Variants in ATP7A observed in about 807,000 individuals in gnomAD.
ATP7A encodes ATPase copper transporting alpha.
In ATP7A, 7 loss-of-function variants were observed where a neutral mutation model predicts 83.5. The ratio of observed to expected loss-of-function variants is 0.08; its 90% CI spans 0.05 to 0.16. The LOEUF (loss-of-function observed/expected upper bound fraction) is 0.16, where lower values mean the gene tolerates loss of function less well. Among genes scored for constraint, ATP7A ranks in the 10% least tolerant of loss-of-function variants. The probability of loss-of-function intolerance (pLI) is 1.00; values close to 1 mark genes in which losing one functional copy is unlikely to be tolerated. For synonymous variants in ATP7A, 354 were observed against 395.2 expected (o/e 0.90, Z 1.24); for missense variants, 940 against 1,120.8 (o/e 0.84, Z 2.30).
rs2078094275 is a variant in ATP7A at position 78,048,379 on chromosome X, C to T, written c.*1809C>T. ...ACATCTGGCACATAGGATTTGTACT[C>T]GGTAAATGTTAGTTCTTTTCTCCCC... On this transcript the variant is annotated 3_prime_UTR_variant, in exon 23 of 23. Coordinates refer to ENST00000341514, the MANE Select transcript of ATP7A (RefSeq NM_000052.7). The T allele has an allele frequency of 2.7e-5, 3 of 112,073 alleles. No homozygotes were observed. Among genetic ancestry groups the T allele is most frequent in the Admixed American group, 1.9e-4 (2 of 10,509 alleles). The allele number at this position is 112,073 out of a possible 1,213,427, so 9.2% of individuals were successfully genotyped here.
chrX:77,968,939 C>G lies in ATP7A; in HGVS notation c.-21-2682C>G, dbSNP rs375563909. On this transcript the variant is annotated intron_variant, in intron 1 of 22. Transcript: ENST00000341514. ...GCTTTGCACACCGTCTCTTCATCCC[C>G]CAGAAACTGCATGGGCTTGATAGGC... 35 of 1,208,901 alleles carry G rather than the reference C, an allele frequency of 2.9e-5. No homozygotes were observed. The highest frequency in any genetic ancestry group is 3.4e-5 in the Non-Finnish European group (30 of 895,319).
intron 3 of ATP7A, 33 bp from the exon 4 acceptor site, chrX:77,989,200 A>C: frequency 8.5e-7 from 1 of 1,180,249 alleles, no homozygotes; most frequent in East Asian, 3.0e-5. Flanking sequence ...CCCAGGAATA[A>C]CTGAATTAAT....
Position 78,037,980 on chromosome X carries a change from G to GTTTTTTTTTTTTTTTTT in ATP7A, c.3512-846_3512-830dup, listed in dbSNP as rs782643561. On this transcript the variant is annotated intron_variant, in intron 17 of 22. Coordinates refer to ENST00000341514, the MANE Select transcript of ATP7A (RefSeq NM_000052.7). ...AGAGAGGTGGGTGAGATCAAGAAAGGTTTTTTTTTTTTTTTTTTTTTTTTT... is the reference window on the plus strand; with the variant it reads ...AGAGAGGTGGGTGAGATCAAGAAAGGTTTTTTTTTTTTTTTTTTTTTTTTTTTTTTTTTTTTTTTTTT... Among the ~76,000 whole-genome samples, 17 of 51,200 alleles carry GTTTTTTTTTTTTTTTTT rather than the reference G, an allele frequency of 3.3e-4. 4 individuals are homozygous for GTTTTTTTTTTTTTTTTT. Among genetic ancestry groups the GTTTTTTTTTTTTTTTTT allele is most frequent in the African/African-American group, 6.1e-4 (6 of 9,772 alleles). The allele number at this position is 51,200 out of a possible 115,157, so 44.5% of individuals were successfully genotyped here. A position where few individuals can be genotyped will look rare whatever the true frequency, so the allele number is the denominator to read the frequency against.
chrX:78,034,129 G>A (rs1557237491), intron 17 of ATP7A, among the ~76,000 whole-genome samples: 2 of 111,770 alleles, frequency 1.8e-5, no homozygotes, highest in Non-Finnish European at 3.8e-5. Context: ...TTGTCCCTCT[G>A]CAAATTATCT....
chrX:77,941,123 T>A, intron 1 of ATP7A, among the ~76,000 whole-genome samples: 1 of 111,978 alleles, frequency 8.9e-6, no homozygotes, highest in Middle Eastern at 4.6e-3. Flanking sequence ...AAGTTTAGAA[T>A]GTACATGCCC....
In ATP7A at chrX:78,021,069, C is replaced by T; in HGVS notation, c.2906C>T (p.Thr969Ile). ...IGFLNFEIVE[T>I]YFPGYNRSIS... The stretch of plus-strand genomic sequence containing the variant: ...TTTCTGAATTTTGAAATTGTGGAAA[C>T]CTACTTTCCTGTAAGTGACTTGTAA... Residue 969 changes from threonine (T) to isoleucine (I), a missense_variant, in exon 14 of 23, where the codon ACC becomes ATC. Around this residue, in one of 3 missense-constraint regions of ATP7A, gnomAD observed 386 missense variants for 502.2 expected, o/e 0.77. Coordinates refer to ENST00000341514, the MANE Select transcript of ATP7A (RefSeq NM_000052.7). 1 of 1,205,848 alleles carries T rather than the reference C, an allele frequency of 8.3e-7. No individual in the cohort carries two copies.
chrX:78,030,868 A>G (rs2077979181), intron 15 of ATP7A, among the ~76,000 whole-genome samples: 1 of 108,082 alleles, frequency 9.3e-6, no homozygotes, highest in African/African-American at 3.4e-5. Flanking sequence ...ACTTTTTATT[A>G]TTAGTAGAGA....
At position 77,988,749 on chromosome X, in the gene ATP7A, G is replaced by A; in HGVS notation, c.610+18G>A. 8.3e-7 allele frequency: 1 copy of A among 1,210,628 alleles called. No individual in the cohort carries two copies. Among genetic ancestry groups the A allele is most frequent in the Non-Finnish European group, 1.1e-6 (1 of 894,942 alleles). On this transcript the variant is annotated intron_variant, in intron 3 of 22. Transcript: ENST00000341514. ...AATTAAAGGTAATGTGTCTGGTGTT[G>A]ATTGTTTTGTAAGGCTTAGGTGTCT...
chrX:77,963,310 C>G (rs1279354313), intron 1 of ATP7A: 1 of 113,328 alleles, frequency 8.8e-6, no homozygotes. Context: ...CTCCATTAGG[C>G]TGAGTTCTCT....
At chrX:78,003,010 T>C in intron 5 of ATP7A, 63 bp from the exon 6 acceptor site, 8 of 1,055,989 alleles carry the variant, frequency 7.6e-6, no homozygotes, top group Non-Finnish European at 9.2e-6. Flanking sequence ...TAAGAAGTAA[T>C]TATAACATTA....
chrX:77,925,480 G>A (rs1344815321), intron 1 of ATP7A, among the ~76,000 whole-genome samples: 1 of 111,134 alleles, frequency 9.0e-6, no homozygotes, highest in African/African-American at 3.3e-5. Flanking sequence ...TGGTGCTAAT[G>A]AAGCCAGGGT....
chrX:78,046,943 T>G lies in ATP7A; in HGVS notation c.*373T>G, dbSNP rs2078087450. The G allele has an allele frequency of 5.7e-6, 1 of 174,066 alleles. No homozygotes were observed. Among genetic ancestry groups the G allele is most frequent in the African/African-American group, 3.2e-5 (1 of 31,654 alleles). 14.3% of individuals were successfully genotyped at this position (174,066 alleles called of 1,213,427 possible). A position where few individuals can be genotyped will look rare whatever the true frequency, so the allele number is the denominator to read the frequency against. ...TGAAAAATTTGAAGATTTGAGAGCA[T>G]GAAGATATTCATGCTTTTGAACTCA... is the stretch of plus-strand genomic sequence containing the variant. On this transcript the variant is annotated 3_prime_UTR_variant, in exon 23 of 23. Coordinates refer to ENST00000341514, the MANE Select transcript of ATP7A (RefSeq NM_000052.7).
chrX:78,012,444 CT>C (rs1190983357), intron 9 of ATP7A, among the ~76,000 whole-genome samples: 1 of 110,398 alleles, frequency 9.1e-6, no homozygotes, highest in Admixed American at 9.8e-5. Flanking sequence ...TTTCTTAGTT[CT>C]TGTTTTTGCT....
At chrX:78,041,282 T>G (rs1352159737) in intron 19 of ATP7A, among the ~76,000 whole-genome samples, 4 of 111,190 alleles carry the variant, frequency 3.6e-5, no homozygotes, top group Admixed American at 9.6e-5. Flanking sequence ...TTTGTTTCTT[T>G]TTTTTTTCTT....
chrX:78,031,467 AG>A lies in ATP7A; in HGVS notation c.3181del (p.Val1061PhefsTer2). 1 of 1,210,865 alleles carries A rather than the reference AG, an allele frequency of 8.3e-7. No homozygotes were observed. The highest frequency in any genetic ancestry group is 1.1e-6 in the Non-Finnish European group (1 of 894,449). On this transcript the variant is annotated frameshift_variant, in exon 16 of 23. Transcript: ENST00000341514. LOFTEE classifies it high-confidence loss of function. ...THGTPVVNQV[K>X]VLTESNRISH... ...GGAACCCCAGTGGTGAATCAAGTAA[AG>A]GTTCTAACTGAAAGTAACAGAATAT... is the stretch of plus-strand genomic sequence containing the variant.
intron 14 of ATP7A, among the ~76,000 whole-genome samples, chrX:78,027,372 A>C (rs1169224315): frequency 2.7e-5 from 3 of 111,750 alleles, no homozygotes; most frequent in Admixed American, 9.5e-5. Context: ...CACACAAAAC[A>C]TACCTAGGAA....
At chrX:77,974,454 A>C (rs148857351) in intron 2 of ATP7A, among the ~76,000 whole-genome samples, 3,409 of 110,007 alleles carry the variant, frequency 0.031, 60 homozygotes, top group Non-Finnish European at 0.048. Context: ...ACATAGTTTT[A>C]TTTATTCCTT....
intron 14 of ATP7A, among the ~76,000 whole-genome samples, chrX:78,021,401 C>T (rs928973054): frequency 2.4e-4 from 27 of 111,959 alleles, no homozygotes; most frequent in Middle Eastern, 9.2e-3. Flanking sequence ...CTGTCATTTA[C>T]TGTCAATATG....
At chrX:77,939,551 C>T (rs1217576454) in intron 1 of ATP7A, among the ~76,000 whole-genome samples, 5 of 110,646 alleles carry the variant, frequency 4.5e-5, no homozygotes, top group African/African-American at 1.6e-4. Context: ...TCTGACTTAA[C>T]AGTTCCCCTC....
Sources: allele counts gnomAD v4.1 joint callset (sites outside exome capture counted in the v4.1 genomes callset), GRCh38; gene constraint gnomAD v4.1.1; regional missense constraint gnomAD v4.1.1; transcripts MANE v1.5; gene names NCBI Gene and HGNC (gene_info 2026-07-23, HGNC 2026-07-21).